The following A2ML1 variants were observed in gnomAD, a reference collection of about 807,000 sequenced individuals.
A2ML1 encodes alpha-2-macroglobulin-like protein 1.
A2ML1 carries 161 observed loss-of-function variants against 181.9 expected under a neutral mutation model. The ratio of observed to expected loss-of-function variants is 0.89; its 90% CI spans 0.78 to 1.01. The LOEUF (loss-of-function observed/expected upper bound fraction) is 1.01, where lower values mean the gene tolerates loss of function less well. Ranked by LOEUF, A2ML1 falls within the 50% of genes least tolerant of loss-of-function variation. The pLI is 0.00. For synonymous variants in A2ML1, 663 were observed against 666.8 expected (o/e 0.99, Z 0.09); for missense variants, 1,670 against 1,768.1 (o/e 0.94, Z 1.00).
chr12:8,826,480 C>T (rs753005100), intron 3 of A2ML1, among the ~76,000 whole-genome samples: 2 of 152,166 alleles, frequency 1.3e-5, no homozygotes, highest in Non-Finnish European at 2.9e-5. Context: ...GAGTCTCCCT[C>T]TGTTGCCCAG....
intron 17 of A2ML1, 92 bp downstream of exon 17, chr12:8,849,851 C>T (rs760875612): frequency 4.2e-6 from 5 of 1,194,508 alleles, no homozygotes; most frequent in Non-Finnish European, 6.1e-6. Context: ...TTGCACTGAG[C>T]CTCTAGCCCG....
At position 8,874,439 on chromosome 12, in the gene A2ML1, T is replaced by C; in HGVS notation, c.4236T>C (p.Thr1412=). The C allele has an allele frequency of 6.2e-7, 1 of 1,613,976 alleles. No individual in the cohort carries two copies. The highest frequency in any genetic ancestry group is 8.5e-7 in the Non-Finnish European group (1 of 1,179,896). Residue 1412 remains threonine (T), a synonymous_variant, in exon 34 of 36, where the codon ACT becomes ACC. Coordinates refer to ENST00000299698, the MANE Select transcript of A2ML1 (RefSeq NM_144670.6). ...CTTCCCCACAGCTCATTAAGAACACTCAGACTTACACCTTCACCATCAGCC... is the reference window on the plus strand; with the variant it reads ...CTTCCCCACAGCTCATTAAGAACACCCAGACTTACACCTTCACCATCAGCC... The part of the protein sequence containing the change: ...NIYLDELIKN[T]QTYTFTISQS...
At position 8,868,200 on chromosome 12, in the gene A2ML1, C is replaced by T. The variant is rs79655903; in HGVS notation, c.3934-30C>T. On this transcript the variant is annotated intron_variant, in intron 30 of 35. Coordinates refer to ENST00000299698, the MANE Select transcript of A2ML1 (RefSeq NM_144670.6). ...ACAATCTTTAAAGTTCTTTCCAAGTCTGATTTGGCTACCTATTTCTTCCTA... is the reference window on the plus strand; with the variant it reads ...ACAATCTTTAAAGTTCTTTCCAAGTTTGATTTGGCTACCTATTTCTTCCTA... The T allele has an allele frequency of 0.083, 133,480 of 1,612,248 alleles. 6,600 individuals carry two copies. Among genetic ancestry groups the T allele is most frequent in the African/African-American group, 0.18 (13,115 of 74,856 alleles).
At chr12:8,884,274 T>A (rs1478112211) in intron 7 of A2ML1, among the ~76,000 whole-genome samples, 2 of 151,310 alleles carry the variant, frequency 1.3e-5, no homozygotes, top group Admixed American at 6.6e-5. Context: ...TCCTTTTTTT[T>A]AACTTTTATT....
At position 8,861,312 on chromosome 12, in the gene A2ML1, T is replaced by C. The variant is rs568547667; in HGVS notation, c.3502+15T>C. ...TATCATCTCAGGTATGTTGGTCCTGTTGAGAGTTCTTTGAAATTGTGAACA... is the reference window on the plus strand; with the variant it reads ...TATCATCTCAGGTATGTTGGTCCTGCTGAGAGTTCTTTGAAATTGTGAACA... On this transcript the variant is annotated intron_variant, in intron 28 of 35. Coordinates refer to ENST00000299698, the MANE Select transcript of A2ML1 (RefSeq NM_144670.6). The C allele has an allele frequency of 8.1e-6, 13 of 1,612,792 alleles. No homozygotes were observed. The highest frequency in any genetic ancestry group is 1.1e-5 in the Non-Finnish European group (13 of 1,179,372).
At chr12:8,858,543 A>C (rs1467595171) in intron 26 of A2ML1, among the ~76,000 whole-genome samples, 1 of 152,112 alleles carries the variant, frequency 6.6e-6, no homozygotes. Flanking sequence ...CCGTGATTGC[A>C]CCACTGCACC....
intron 28 of A2ML1, 127 bp from the exon 29 acceptor site, chr12:8,863,667 A>AT: frequency 2.0e-5 from 17 of 871,290 alleles, no homozygotes; most frequent in Non-Finnish European, 2.8e-5. Context: ...AATCTAAGAA[A>AT]TTTTTTTTCT....
rs762668020 is a variant in A2ML1 at position 8,868,376 on chromosome 12, C to T, written c.4061+19C>T. 2 of 1,608,926 alleles carry T rather than the reference C, an allele frequency of 1.2e-6. No individual in the cohort carries two copies. The highest frequency in any genetic ancestry group is 2.2e-5 in the South Asian group (2 of 90,188). On this transcript the variant is annotated intron_variant, in intron 31 of 35. Transcript: ENST00000299698. ...ACACCAGGTGATTAAAGCTGGGGTG[C>T]TGGTGGCCGGCAGAGCACCTGGTCA...
In A2ML1 at chr12:8,850,286, C is replaced by T. The variant is rs1379141931; in HGVS notation, c.2234+12C>T. Reference sequence around the variant, plus strand: ...CTGTTTCCTATTGGGTAAGTGATGACTCAAAAGTACAGTAAAGGGCCAGGT... The same window carrying T: ...CTGTTTCCTATTGGGTAAGTGATGATTCAAAAGTACAGTAAAGGGCCAGGT... On this transcript the variant is annotated intron_variant, in intron 18 of 35. Transcript: ENST00000299698. The T allele has an allele frequency of 6.3e-7, 1 of 1,596,218 alleles. No homozygotes were observed. Among genetic ancestry groups the T allele is most frequent in the African/African-American group, 1.3e-5 (1 of 74,086 alleles).
chr12:8,839,266 C>A, intron 10 of A2ML1, 44 bp downstream of exon 10: 1 of 1,453,584 alleles, frequency 6.9e-7, no homozygotes, highest in South Asian at 1.2e-5. Context: ...AATGCATAAC[C>A]ATCTACTTTG....
intron 24 of A2ML1, 68 bp downstream of exon 24, chr12:8,857,408 C>G: frequency 6.4e-7 from 1 of 1,572,912 alleles, no homozygotes; most frequent in East Asian, 2.2e-5. Context: ...ATTGATGATA[C>G]AGGGAATTCC....
chr12:8,837,688 T>TAG, intron 8 of A2ML1, 122 bp downstream of exon 8: 15 of 1,085,146 alleles, frequency 1.4e-5, no homozygotes, highest in South Asian at 5.5e-5. Context: ...GAGACCAGCC[T>TAG]GACCAATATG....
chr12:8,880,116 C>A (rs942268342), downstream of A2ML1, among the ~76,000 whole-genome samples: 2 of 152,186 alleles, frequency 1.3e-5, no homozygotes, highest in Non-Finnish European at 2.9e-5. Flanking sequence ...GTAATCCCAG[C>A]ACCTTGGGAG....
intron 33 of A2ML1, among the ~76,000 whole-genome samples, chr12:8,872,084 C>T (rs1430438575): frequency 6.6e-6 from 1 of 151,558 alleles, no homozygotes; most frequent in Non-Finnish European, 1.5e-5. Flanking sequence ...GTGGCTGAGG[C>T]ACAAGAATGG....
Position 8,841,367 on chromosome 12 carries a change from A to C in A2ML1, c.1081-2A>C. ...TAATCCGTAATGATCTTTGTCCTTC[A>C]GATAAGAGTTAGGGGCCATGATGAC... On this transcript the variant is annotated splice_acceptor_variant, in intron 10 of 35. Coordinates refer to ENST00000299698, the MANE Select transcript of A2ML1 (RefSeq NM_144670.6). LOFTEE classifies it high-confidence loss of function. The C allele has an allele frequency of 6.2e-7, 1 of 1,613,504 alleles. No individual in the cohort carries two copies. The highest frequency in any genetic ancestry group is 1.1e-5 in the South Asian group (1 of 90,934).
At chr12:8,886,273 A>T (rs1469195597) in intron 7 of A2ML1, among the ~76,000 whole-genome samples, 13 of 152,200 alleles carry the variant, frequency 8.5e-5, no homozygotes, top group Admixed American at 8.5e-4. Context: ...ATTTATGAAC[A>T]TGCTCTATCC....
intron 18 of A2ML1, 41 bp from the exon 19 acceptor site, chr12:8,851,743 C>A: frequency 6.3e-7 from 1 of 1,594,898 alleles, no homozygotes; most frequent in Non-Finnish European, 8.6e-7. Flanking sequence ...CTCCTTGCCC[C>A]ACGCTACCTC....
intron 33 of A2ML1, 94 bp downstream of exon 33, chr12:8,869,297 G>C: frequency 7.7e-7 from 1 of 1,296,518 alleles, no homozygotes; most frequent in Non-Finnish European, 1.1e-6. Flanking sequence ...ACACACATGG[G>C]GATGAGGGGC....
At chr12:8,856,771 T>A (rs1944076753) in intron 23 of A2ML1, among the ~76,000 whole-genome samples, 1 of 152,214 alleles carries the variant, frequency 6.6e-6, no homozygotes, top group Non-Finnish European at 1.5e-5. Flanking sequence ...ATTGTAGTAC[T>A]GTATTAAAAT....
Sources: allele counts gnomAD v4.1 joint callset (sites outside exome capture counted in the v4.1 genomes callset), GRCh38; gene constraint gnomAD v4.1.1; transcripts MANE v1.5; gene names NCBI Gene and HGNC (gene_info 2026-07-23, HGNC 2026-07-21).